The following DENND1A variants were observed in gnomAD, a reference collection of about 807,000 sequenced individuals.
DENND1A encodes DENN domain-containing protein 1A.
DENND1A carries 51 observed loss-of-function variants against 113.7 expected under a neutral mutation model. That is an observed-to-expected ratio of 0.45 (90% CI 0.36 to 0.57). The LOEUF (loss-of-function observed/expected upper bound fraction) is 0.57, where lower values mean the gene tolerates loss of function less well. Ranked by LOEUF, DENND1A falls within the 20% of genes least tolerant of loss-of-function variation. DENND1A has a pLI of 0.00. For synonymous variants in DENND1A, 565 were observed against 570.8 expected (o/e 0.99, Z 0.14); for missense variants, 1,258 against 1,395.9 (o/e 0.90, Z 1.57).
intron 13 of DENND1A, among the ~76,000 whole-genome samples, chr9:123,462,187 C>T (rs1000277376): frequency 6.6e-6 from 1 of 152,244 alleles, no homozygotes; most frequent in African/African-American, 2.4e-5. Context: ...AGCAACTCAC[C>T]TTGTAAGACA....
At chr9:123,473,837 G>C (rs2049654498) in intron 13 of DENND1A, among the ~76,000 whole-genome samples, 1 of 152,126 alleles carries the variant, frequency 6.6e-6, no homozygotes, top group African/African-American at 2.4e-5. Context: ...AAGAGATCCA[G>C]GCCTTGGAGC....
At chr9:123,839,151 C>T (rs937918103) in intron 2 of DENND1A, among the ~76,000 whole-genome samples, 10 of 152,144 alleles carry the variant, frequency 6.6e-5, no homozygotes, top group African/African-American at 2.2e-4. Context: ...CTTGAAAGAT[C>T]ATATAGACCA....
intron 13 of DENND1A, among the ~76,000 whole-genome samples, chr9:123,534,467 C>T (rs1010599160): frequency 2.0e-5 from 3 of 152,130 alleles, no homozygotes; most frequent in Admixed American, 6.5e-5. Flanking sequence ...ATTTGAATTG[C>T]TTCCAGTTTT....
At chr9:123,455,639 AGGG>A (rs1485295395) in intron 15 of DENND1A, among the ~76,000 whole-genome samples, 2 of 152,234 alleles carry the variant, frequency 1.3e-5, no homozygotes. Context: ...AGGAACCCCC[AGGG>A]CTGTGTGTCC....
At chr9:123,916,574 T>C (rs1183070507) in intron 1 of DENND1A, among the ~76,000 whole-genome samples, 1 of 152,040 alleles carries the variant, frequency 6.6e-6, no homozygotes, top group Admixed American at 6.5e-5. Flanking sequence ...GGTTTCTCCA[T>C]GTGGGTCAGG....
In DENND1A at chr9:123,382,428, G is replaced by T; in HGVS notation, c.2217C>A (p.Asp739Glu). 15 of 1,608,618 alleles carry T rather than the reference G, an allele frequency of 9.3e-6. No homozygotes were observed. Among genetic ancestry groups the T allele is most frequent in the Non-Finnish European group, 1.3e-5 (15 of 1,177,294 alleles). The change falls in exon 24 of 24, where the codon GAC (aspartate) becomes GAA (glutamate). Residue 739 changes from aspartate to glutamate, a missense_variant. This residue lies in a region of DENND1A where 1,159 missense variants were observed against 1,231.7 expected (regional missense o/e 0.94). Coordinates refer to ENST00000394215, the MANE Select transcript of DENND1A (RefSeq NM_001352964.2). Reference sequence around the variant, plus strand: ...CCTTGTCACTGGGGTTCAGGATGCTGTCCCGGTTCTGGGGCCTTCGAGGCA... The same window carrying T: ...CCTTGTCACTGGGGTTCAGGATGCTTTCCCGGTTCTGGGGCCTTCGAGGCA... ...LALPRRPQNR[D>E]SILNPSDKEE...
chr9:123,457,752 G>T (rs116974312), intron 14 of DENND1A, 41 bp downstream of exon 14: 22,405 of 1,551,282 alleles, frequency 0.014, 243 homozygotes, highest in South Asian at 0.034. Context: ...AGAAATCCCC[G>T]CCAGGGAGCC....
At chr9:123,512,096 G>C (rs2053506832) in intron 13 of DENND1A, among the ~76,000 whole-genome samples, 1 of 152,196 alleles carries the variant, frequency 6.6e-6, no homozygotes, top group African/African-American at 2.4e-5. Flanking sequence ...ATGGCAAAAA[G>C]GCAAACAGGT....
intron 2 of DENND1A, among the ~76,000 whole-genome samples, chr9:123,851,541 C>T (rs1564389396): frequency 6.6e-6 from 1 of 152,224 alleles, no homozygotes; most frequent in East Asian, 1.9e-4. Flanking sequence ...TTTGCAAGAC[C>T]TCCAAAAGAC....
At chr9:123,500,616 A>C (rs998441718) in intron 13 of DENND1A, among the ~76,000 whole-genome samples, 3 of 152,144 alleles carry the variant, frequency 2.0e-5, no homozygotes, top group African/African-American at 7.2e-5. Flanking sequence ...ACAGGCTTCT[A>C]TTTGCACTTA....
rs538452456 is a variant in DENND1A at position 123,531,055 on chromosome 9, G to T, written c.993+26515C>A. Among the ~76,000 whole-genome samples, 55 of 152,236 alleles carry T rather than the reference G, an allele frequency of 3.6e-4. 1 individual carries two copies. The highest frequency in any genetic ancestry group is 1.3e-3 in the African/African-American group (54 of 41,548). ...CTTTGTATTGTTAGGAAGAGATAAA[G>T]ATATTAAATACATTTAGAATTGTTA... On this transcript the variant is annotated intron_variant, in intron 13 of 23. Coordinates refer to ENST00000394215, the MANE Select transcript of DENND1A (RefSeq NM_001352964.2).
rs3739837 is a variant in DENND1A, at chr9:123,381,383, G to A, written c.*49C>T. 0.13 allele frequency: 209,466 copies of A among 1,555,740 alleles called. 17,549 individuals are homozygous for A. The highest frequency in any genetic ancestry group is 0.36 in the Admixed American group (20,545 of 57,560). ...GCGGGGGAGCCTCGGAACCGCAGCAGTGGACGGACCCTCGGGCCTCGGTGC... is the reference window on the plus strand; with the variant it reads ...GCGGGGGAGCCTCGGAACCGCAGCAATGGACGGACCCTCGGGCCTCGGTGC... On this transcript the variant is annotated 3_prime_UTR_variant, in exon 24 of 24. Transcript: ENST00000394215. This position sits in a 1 kb window ranked among gnomAD's most constrained non-coding sequence, Gnocchi z 4.7.
At chr9:123,499,918 C>T (rs764691854) in intron 13 of DENND1A, among the ~76,000 whole-genome samples, 1 of 152,216 alleles carries the variant, frequency 6.6e-6, no homozygotes, top group Non-Finnish European at 1.5e-5. Flanking sequence ...TGGCACCCAG[C>T]ACAGAGCGAG....
At chr9:123,695,823 T>G (rs768432653) in intron 5 of DENND1A, among the ~76,000 whole-genome samples, 1 of 152,094 alleles carries the variant, frequency 6.6e-6, no homozygotes, top group Non-Finnish European at 1.5e-5. Context: ...ACAGAGGCAG[T>G]TAATAATTCT....
chr9:123,387,834 A>G lies in DENND1A; in HGVS notation c.1656T>C (p.Tyr552=), dbSNP rs1399367961. ...AGGAGTCTTCGGAGAGGAAGACCGC[A>G]TAGTGTCGCAAGGGCTTTACCAGGC... ...PEHLVKPLRH[Y]AVFLSEDSSD... The change falls in exon 22 of 24, where the codon TAT becomes TAC. Residue 552 remains tyrosine (Y), a synonymous_variant. Transcript: ENST00000394215. The G allele has an allele frequency of 7.8e-7, 1 of 1,290,040 alleles. No individual in the cohort carries two copies. The highest frequency in any genetic ancestry group is 1.0e-6 in the Non-Finnish European group (1 of 988,912). The allele number at this position is 1,290,040 out of a possible 1,614,324, so 79.9% of individuals were successfully genotyped here. A position where few individuals can be genotyped will look rare whatever the true frequency, so the allele number is the denominator to read the frequency against.
chr9:123,913,460 T>C (rs965266312), intron 1 of DENND1A, among the ~76,000 whole-genome samples: 2 of 151,920 alleles, frequency 1.3e-5, no homozygotes, highest in Admixed American at 6.6e-5. Flanking sequence ...GAGGGAACCA[T>C]CAGGGGTACA....
intron 13 of DENND1A, among the ~76,000 whole-genome samples, chr9:123,510,072 C>A (rs2053318826): frequency 6.6e-6 from 1 of 152,252 alleles, no homozygotes; most frequent in Admixed American, 6.5e-5. Context: ...CCTATGACTG[C>A]ACTGCCCGCC....
chr9:123,802,917 G>C (rs761004107), intron 2 of DENND1A, among the ~76,000 whole-genome samples: 3 of 151,590 alleles, frequency 2.0e-5, no homozygotes, highest in African/African-American at 7.3e-5. Flanking sequence ...GGTCAGGCTG[G>C]TCTCTAACTC....
chr9:123,904,717 C>A (rs1486702945), intron 1 of DENND1A, among the ~76,000 whole-genome samples: 1 of 150,634 alleles, frequency 6.6e-6, no homozygotes, highest in African/African-American at 2.5e-5. Flanking sequence ...TGTGAAAAGA[C>A]CAAATCTACG....
Sources: allele counts gnomAD v4.1 joint callset (sites outside exome capture counted in the v4.1 genomes callset), GRCh38; gene constraint gnomAD v4.1.1; regional missense constraint gnomAD v4.1.1; non-coding constraint Gnocchi (gnomAD v3.1); transcripts MANE v1.5; gene names NCBI Gene and HGNC (gene_info 2026-07-23, HGNC 2026-07-21).